Variants in SLIT3 observed in about 807,000 individuals in gnomAD.
SLIT3 encodes the protein slit homolog 3 protein.
SLIT3 carries 68 observed loss-of-function variants against 184.0 expected under a neutral mutation model. That is an observed-to-expected ratio of 0.37 (90% CI 0.30 to 0.45). The LOEUF (loss-of-function observed/expected upper bound fraction) is 0.45, where lower values mean the gene tolerates loss of function less well. Ranked by LOEUF, SLIT3 falls within the 20% of genes least tolerant of loss-of-function variation. The pLI, the probability that SLIT3 is intolerant of heterozygous loss-of-function variation, is 1.00. For synonymous variants in SLIT3, 831 were observed against 828.6 expected, an observed-to-expected ratio of 1.00 and a Z score of -0.05; for missense variants, 1,707 against 2,026.0, an observed-to-expected ratio of 0.84 and a Z score of 3.02.
chr5:169,225,638 G>A (rs949295140), intron 3 of SLIT3, among the ~76,000 whole-genome samples: 1 of 152,244 alleles, frequency 6.6e-6, no homozygotes, highest in Non-Finnish European at 1.5e-5. Context: ...CGCCCGAGGG[G>A]CAGGGAAGGC....
intron 3 of SLIT3, among the ~76,000 whole-genome samples, chr5:169,203,351 G>GCGCA (rs1316849336): frequency 5.4e-5 from 8 of 147,424 alleles, no homozygotes; most frequent in Non-Finnish European, 9.0e-5. Flanking sequence ...ATGTGAATGT[G>GCGCA]CACACACACA....
At chr5:168,764,441 T>C (rs1030661) in intron 14 of SLIT3, among the ~76,000 whole-genome samples, 65,055 of 152,000 alleles carry the variant, frequency 0.43, 14,151 homozygotes, top group East Asian at 0.56. Context: ...CATGTTTTGC[T>C]GCAGACTTGC....
intron 14 of SLIT3, among the ~76,000 whole-genome samples, chr5:168,765,994 C>T (rs1755332352): frequency 6.6e-6 from 1 of 152,216 alleles, no homozygotes; most frequent in Admixed American, 6.5e-5. Context: ...CCTACAGCCA[C>T]TTCCCAGGAG....
chr5:168,743,002 T>C (rs887046507), intron 20 of SLIT3, among the ~76,000 whole-genome samples: 2 of 152,076 alleles, frequency 1.3e-5, no homozygotes, highest in Admixed American at 6.5e-5. Flanking sequence ...CGTGGTGGCA[T>C]GCGCCTGTAG....
Position 168,803,022 on chromosome 5 carries a change from G to T in SLIT3, c.935+3424C>A, listed in dbSNP as rs1228150976. ...TATACTCTTAACCTCTTGGTTGTTT[G>T]TATCTCCTTATTTCTGGAAACACTC... is the stretch of plus-strand genomic sequence containing the variant. On this transcript the variant is annotated intron_variant, in intron 9 of 35. Coordinates refer to ENST00000519560, the MANE Select transcript of SLIT3 (RefSeq NM_003062.4). Among the ~76,000 whole-genome samples the T allele has an allele frequency of 2.7e-5, 4 of 149,010 alleles. No homozygotes were observed. The East Asian group carries it at 8.0e-4, about 30-fold the overall frequency.
intron 4 of SLIT3, among the ~76,000 whole-genome samples, chr5:169,122,933 C>T (rs1760937380): frequency 6.6e-6 from 1 of 152,012 alleles, no homozygotes; most frequent in Non-Finnish European, 1.5e-5. Context: ...AAAATCTAGG[C>T]CTGAGTAAAA....
chr5:168,991,867 GTCTC>G (rs748711349), intron 4 of SLIT3, among the ~76,000 whole-genome samples: 32 of 152,078 alleles, frequency 2.1e-4, no homozygotes, highest in Non-Finnish European at 3.5e-4. Flanking sequence ...ATTCCCATCA[GTCTC>G]TGACCCAGGA....
At chr5:168,800,255 CTCTT>C (rs1339731623) in intron 9 of SLIT3, among the ~76,000 whole-genome samples, 1 of 152,232 alleles carries the variant, frequency 6.6e-6, no homozygotes, top group African/African-American at 2.4e-5. Context: ...TCTGGCCTCT[CTCTT>C]TCTTTACCAT....
intron 4 of SLIT3, among the ~76,000 whole-genome samples, chr5:169,168,741 C>T (rs1420189842): frequency 1.3e-5 from 2 of 152,202 alleles, no homozygotes; most frequent in African/African-American, 4.8e-5. Flanking sequence ...TACACCTGAT[C>T]CCCTTCAAGG....
rs531382513 is a variant in SLIT3 at position 168,741,155 on chromosome 5, T to C, written c.2270+7147A>G. Among the ~76,000 whole-genome samples the C allele has an allele frequency of 4.6e-5, 7 of 152,264 alleles. No homozygotes were observed. The East Asian group carries it at 9.7e-4, about 21-fold the overall frequency. On this transcript the variant is annotated intron_variant, in intron 20 of 35. Transcript: ENST00000519560. Reference sequence around the variant, plus strand: ...GTTTTTCTGAGCATTGGGAAATGCCTGGAGCCACAACACACACTCAAGAAT... The same window carrying C: ...GTTTTTCTGAGCATTGGGAAATGCCCGGAGCCACAACACACACTCAAGAAT...
At chr5:168,837,186 C>A (rs1393765386) in intron 6 of SLIT3, among the ~76,000 whole-genome samples, 3 of 152,044 alleles carry the variant, frequency 2.0e-5, no homozygotes, top group South Asian at 4.1e-4. Flanking sequence ...CAATTTTAAT[C>A]CTGATTGCAT....
chr5:168,978,332 G>A (rs1754836180), intron 4 of SLIT3, among the ~76,000 whole-genome samples: 1 of 152,230 alleles, frequency 6.6e-6, no homozygotes, highest in South Asian at 2.1e-4. Flanking sequence ...GTGACTCACA[G>A]CTCTCTACGC....
At chr5:169,138,657 C>T (rs1409405970) in intron 4 of SLIT3, among the ~76,000 whole-genome samples, 1 of 152,190 alleles carries the variant, frequency 6.6e-6, no homozygotes, top group Non-Finnish European at 1.5e-5. Flanking sequence ...ACTGCTCTGT[C>T]CTGACGTCTG....
chr5:168,718,712 A>T (rs1201925541), intron 23 of SLIT3, among the ~76,000 whole-genome samples: 3 of 139,830 alleles, frequency 2.1e-5, no homozygotes, highest in African/African-American at 8.4e-5. Context: ...ACACACACAC[A>T]CACACACACA....
chr5:168,743,612 G>A (rs2113438962), intron 20 of SLIT3, among the ~76,000 whole-genome samples: 1 of 152,250 alleles, frequency 6.6e-6, no homozygotes, highest in East Asian at 1.9e-4. Context: ...CCCTACAACG[G>A]CCTCTAAGAA....
At chr5:169,095,908 G>A (rs1759760717) in intron 4 of SLIT3, among the ~76,000 whole-genome samples, 1 of 152,166 alleles carries the variant, frequency 6.6e-6, no homozygotes, top group Non-Finnish European at 1.5e-5. Context: ...AATTACATAA[G>A]TACATGAATG....
chr5:168,694,578 T>G (rs1208475531), intron 28 of SLIT3, among the ~76,000 whole-genome samples: 1 of 152,202 alleles, frequency 6.6e-6, no homozygotes, highest in African/African-American at 2.4e-5. Flanking sequence ...TCAGTCAGTC[T>G]TTCTCTCTCT....
intron 6 of SLIT3, among the ~76,000 whole-genome samples, chr5:168,824,944 AG>A (rs1757651395): frequency 6.6e-6 from 1 of 152,240 alleles, no homozygotes; most frequent in East Asian, 1.9e-4. Context: ...ACGTCTGCAA[AG>A]GCAGGACCAT....
chr5:169,271,298 T>G (rs1766601599), intron 1 of SLIT3, among the ~76,000 whole-genome samples: 1 of 152,118 alleles, frequency 6.6e-6, no homozygotes, highest in Admixed American at 6.5e-5. Flanking sequence ...CAACCCACAA[T>G]CCCCATGCCT....
Sources: gnomAD v4.1 joint callset for allele counts (sites outside exome capture counted in the v4.1 genomes callset) on GRCh38, gnomAD v4.1.1 for gene constraint, MANE v1.5 for transcripts, NCBI Gene and HGNC (gene_info 2026-07-23, HGNC 2026-07-21) for gene names.